Variants in DCDC2C observed in about 807,000 individuals in gnomAD.
DCDC2C encodes doublecortin domain containing 2C.
A neutral mutation model predicts 45.0 loss-of-function variants in DCDC2C; 44 were observed. That is an observed-to-expected ratio of 0.98 (90% confidence interval 0.77 to 1.26). The LOEUF is 1.26. DCDC2C is among the 50% of genes most tolerant of loss of function. The pLI is 0.00. For missense variants in DCDC2C, 447 were observed against 468.9 expected (o/e 0.95, Z 0.43); for synonymous variants, 187 against 178.8 (o/e 1.05, Z -0.37).
In DCDC2C at chr2:3,805,695, C is replaced by G. The variant is rs1193360787; in HGVS notation, c.1065+20595C>G. Among the ~76,000 whole-genome samples the G allele has an allele frequency of 3.3e-5, 5 of 152,306 alleles. No homozygotes were observed. In the South Asian group the frequency reaches 1.0e-3, roughly 32 times the overall value. On this transcript the variant is annotated intron_variant, in intron 10 of 10. Transcript: ENST00000399143. ...TTAATTTTAGAGGTGGTGATTAGGA[C>G]TTACGAATTGTTTACCACATGCTTC...
intron 10 of DCDC2C, among the ~76,000 whole-genome samples, chr2:3,820,019 G>C (rs1427090847): frequency 6.6e-6 from 1 of 152,186 alleles, no homozygotes; most frequent in Non-Finnish European, 1.5e-5. Flanking sequence ...GGATTTAAAG[G>C]ACTCAGAGCT....
In DCDC2C at chr2:3,724,971, A is replaced by T. The variant is rs116367793; in HGVS notation, c.340-2032A>T. Among the ~76,000 whole-genome samples, 1,194 of 152,114 alleles carry T rather than the reference A, an allele frequency of 7.8e-3. 17 individuals carry two copies. The highest frequency in any genetic ancestry group is 0.027 in the African/African-American group (1,133 of 41,496). On this transcript the variant is annotated intron_variant, in intron 2 of 10. Coordinates refer to ENST00000399143, the MANE Select transcript of DCDC2C (RefSeq NM_001287444.2). Reference sequence around the variant, plus strand: ...AGCTGCTGGAACCTCTTCTGTGCTAAGTTGGGTCTGGGTTGGGAAGGGAGA... The same window carrying T: ...AGCTGCTGGAACCTCTTCTGTGCTATGTTGGGTCTGGGTTGGGAAGGGAGA...
At chr2:3,816,212 A>G (rs565820674) in intron 10 of DCDC2C, among the ~76,000 whole-genome samples, 2 of 152,336 alleles carry the variant, frequency 1.3e-5, no homozygotes, top group East Asian at 3.9e-4. Context: ...TTGAGGAACT[A>G]AATGGAAGAC....
At chr2:3,715,850 A>G (rs1668338243) in intron 2 of DCDC2C, among the ~76,000 whole-genome samples, 1 of 152,224 alleles carries the variant, frequency 6.6e-6, no homozygotes, top group Non-Finnish European at 1.5e-5. Flanking sequence ...GATAATAAAC[A>G]AAATCTATAC....
At chr2:3,795,843 C>T (rs1230966882) in intron 10 of DCDC2C, among the ~76,000 whole-genome samples, 18 of 136,698 alleles carry the variant, frequency 1.3e-4, no homozygotes, top group South Asian at 4.7e-4. Context: ...ATTGACGTGG[C>T]GATGCGGGCT....
At chr2:3,821,355 A>G (rs1671683278) in intron 10 of DCDC2C, among the ~76,000 whole-genome samples, 1 of 152,198 alleles carries the variant, frequency 6.6e-6, no homozygotes, top group African/African-American at 2.4e-5. Context: ...TCTGTAAATC[A>G]AGACCATATT....
At chr2:3,776,050 C>T (rs1430438831) in intron 8 of DCDC2C, among the ~76,000 whole-genome samples, 2 of 152,232 alleles carry the variant, frequency 1.3e-5, no homozygotes, top group Non-Finnish European at 2.9e-5. Flanking sequence ...GCCCCTTCTT[C>T]ATCATAGAAG....
At chr2:3,739,668 G>C (rs1669142664) in intron 3 of DCDC2C, among the ~76,000 whole-genome samples, 1 of 152,248 alleles carries the variant, frequency 6.6e-6, no homozygotes, top group South Asian at 2.1e-4. Flanking sequence ...CATCTGCTGA[G>C]AGCTACGTCC....
intron 10 of DCDC2C, among the ~76,000 whole-genome samples, chr2:3,794,472 G>A (rs562842174): frequency 3.1e-4 from 47 of 152,190 alleles, no homozygotes; most frequent in African/African-American, 8.2e-4. Flanking sequence ...CCATTAACTC[G>A]TCATCTAGCA....
At chr2:3,727,186 C>G in intron 3 of DCDC2C, 107 bp downstream of exon 3, 1 of 833,640 alleles carries the variant, frequency 1.2e-6, no homozygotes, top group Non-Finnish European at 1.9e-6. Context: ...GTCCCTCCTC[C>G]CCTCCCCTCC....
At chr2:3,748,595 T>A (rs1002014177) in intron 4 of DCDC2C, among the ~76,000 whole-genome samples, 7 of 151,998 alleles carry the variant, frequency 4.6e-5, no homozygotes, top group African/African-American at 1.7e-4. Context: ...AGGCTGGATA[T>A]GTGAGTGTGA....
chr2:3,712,929 C>G (rs1397068803), intron 2 of DCDC2C, among the ~76,000 whole-genome samples: 1 of 152,182 alleles, frequency 6.6e-6, no homozygotes, highest in East Asian at 1.9e-4. Context: ...CATGTTTTCA[C>G]ACCTATAGTC....
intron 10 of DCDC2C, among the ~76,000 whole-genome samples, chr2:3,793,199 G>A (rs1409222609): frequency 1.3e-5 from 2 of 152,170 alleles, no homozygotes; most frequent in Non-Finnish European, 2.9e-5. Flanking sequence ...CTTAAAAAAA[G>A]TTGTAGTATA....
intron 4 of DCDC2C, among the ~76,000 whole-genome samples, chr2:3,744,052 A>G (rs1418107104): frequency 6.6e-6 from 1 of 152,168 alleles, no homozygotes; most frequent in Non-Finnish European, 1.5e-5. Context: ...AATGGACAGA[A>G]GGAGAATGGG....
intron 10 of DCDC2C, among the ~76,000 whole-genome samples, chr2:3,787,096 C>T (rs1034212958): frequency 1.3e-5 from 2 of 152,170 alleles, no homozygotes; most frequent in Admixed American, 6.5e-5. Context: ...CTGCAGCCAA[C>T]CTAAGTGCAC....
chr2:3,718,152 G>T (rs571738350), intron 2 of DCDC2C, among the ~76,000 whole-genome samples: 1 of 152,302 alleles, frequency 6.6e-6, no homozygotes, highest in African/African-American at 2.4e-5. Context: ...ATCAGAGGTG[G>T]GTCCTCTATG....
intron 10 of DCDC2C, among the ~76,000 whole-genome samples, chr2:3,806,598 A>G (rs1465344626): frequency 1.3e-5 from 2 of 150,688 alleles, no homozygotes; most frequent in Non-Finnish European, 3.0e-5. Flanking sequence ...GCTGGAGTGC[A>G]ATGGCGTGAT....
intron 2 of DCDC2C, among the ~76,000 whole-genome samples, chr2:3,715,477 T>C (rs1288967247): frequency 6.6e-6 from 1 of 152,192 alleles, no homozygotes; most frequent in Non-Finnish European, 1.5e-5. Flanking sequence ...TCGGACAAAT[T>C]AACTTCTCTG....
intron 8 of DCDC2C, among the ~76,000 whole-genome samples, chr2:3,771,604 G>A (rs894170481): frequency 3.3e-5 from 5 of 152,256 alleles, no homozygotes; most frequent in African/African-American, 1.2e-4. Flanking sequence ...ATGACACACA[G>A]TTGAGACCTT....
Sources: gnomAD v4.1 joint callset for allele counts (sites outside exome capture counted in the v4.1 genomes callset) on GRCh38, gnomAD v4.1.1 for gene constraint, MANE v1.5 for transcripts, NCBI Gene and HGNC (gene_info 2026-07-23, HGNC 2026-07-21) for gene names.